ERMAP: variants seen among roughly 807,000 people sequenced by gnomAD.
The protein encoded by ERMAP is erythroid membrane-associated protein.
Under a neutral mutation model 49.5 loss-of-function variants are expected in ERMAP, and 34 were observed. That is an observed-to-expected ratio of 0.69 (90% confidence interval 0.52 to 0.91). ERMAP has a LOEUF of 0.91. Among genes scored for constraint, ERMAP ranks in the 40% least tolerant of loss-of-function variants. The pLI is 0.00. For synonymous variants in ERMAP, 214 were observed against 232.2 expected (o/e 0.92, Z 0.71); for missense variants, 541 against 582.6 (o/e 0.93, Z 0.74).
At chr1:42,838,147 G>A (rs1028226460) in intron 7 of ERMAP, among the ~76,000 whole-genome samples, 9 of 152,206 alleles carry the variant, frequency 5.9e-5, no homozygotes, top group African/African-American at 9.7e-5. Context: ...AGGATTCAGT[G>A]CCTACTTCAG....
chr1:42,831,032 G>A lies in ERMAP; in HGVS notation c.350G>A (p.Arg117His), dbSNP rs183863963. ...GSVTLQILDV[R>H]LEDQGSYRCL... ...GTCACTCTGCAGATCCTTGACGTGC[G>A]CCTTGAGGACCAAGGGTCTTACCGA... The change falls in exon 4 of 12, where the codon CGC becomes CAC. Residue 117 changes from arginine to histidine, a missense_variant. Coordinates refer to ENST00000372517, the MANE Select transcript of ERMAP (RefSeq NM_001017922.2). The A allele has an allele frequency of 4.1e-5, 66 of 1,614,224 alleles. No individual in the cohort carries two copies. Among genetic ancestry groups the A allele is most frequent in the East Asian group, 1.1e-4 (5 of 44,884 alleles).
chr1:42,838,812 TG>T (rs2124352701), intron 7 of ERMAP, 88 bp from the exon 8 acceptor site: 2 of 1,583,354 alleles, frequency 1.3e-6, no homozygotes, highest in East Asian at 4.5e-5. Context: ...ATTTTAATCT[TG>T]TGGGTTGGAG....
intron 1 of ERMAP, among the ~76,000 whole-genome samples, chr1:42,818,961 C>T (rs1038336466): frequency 1.3e-5 from 2 of 152,082 alleles, no homozygotes; most frequent in Admixed American, 6.5e-5. Context: ...TGGTTTATAA[C>T]GTTCATATAA....
intron 11 of ERMAP, among the ~76,000 whole-genome samples, 196 bp from the exon 12 acceptor site, chr1:42,842,321 G>A (rs1447940957): frequency 6.6e-6 from 1 of 152,132 alleles, no homozygotes; most frequent in East Asian, 1.9e-4. Context: ...CTATTACTTA[G>A]TAATCGACCA....
intron 1 of ERMAP, among the ~76,000 whole-genome samples, chr1:42,818,690 G>A (rs553439739): frequency 2.0e-5 from 3 of 152,142 alleles, no homozygotes; most frequent in South Asian, 4.2e-4. Context: ...AGGGTGATCT[G>A]GAAATCCTGG....
intron 6 of ERMAP, among the ~76,000 whole-genome samples, chr1:42,836,162 G>A (rs1654889043): frequency 6.6e-6 from 1 of 152,084 alleles, no homozygotes; most frequent in African/African-American, 2.4e-5. Context: ...AGTGTAGTCA[G>A]GGAAATGAGA....
At chr1:42,836,962 G>C (rs1033447131) in intron 6 of ERMAP, 196 bp from the exon 7 acceptor site, 15 of 544,944 alleles carry the variant, frequency 2.8e-5, no homozygotes, top group African/African-American at 2.7e-4. Context: ...AGAGACCAGA[G>C]GGATTAAGAC....
chr1:42,829,036 A>G (rs1654637247), intron 2 of ERMAP, among the ~76,000 whole-genome samples: 1 of 152,212 alleles, frequency 6.6e-6, no homozygotes, highest in African/African-American at 2.4e-5. Flanking sequence ...TTGATAAAAT[A>G]GAGAGCTTTT....
In ERMAP at chr1:42,819,206, T is replaced by TGTGCGC. The variant is rs60221239; in HGVS notation, c.-122+1954_-122+1955insTGCGCG. ...GTGTGTGTGTGTGTGTGTGTGTGTGTGCGCGCGCGCAAGAGAGGGACCGAG... is the reference window on the plus strand; with the variant it reads ...GTGTGTGTGTGTGTGTGTGTGTGTGTGTGCGCGCGCGCGCGCAAGAGAGGGACCGAG... On this transcript the variant is annotated intron_variant, in intron 1 of 11. Transcript: ENST00000372517. The surrounding 1 kb of genome is among the most constrained non-coding windows in gnomAD (Gnocchi z 5.1). Among the ~76,000 whole-genome samples, 123 of 81,796 alleles carry TGTGCGC rather than the reference T, an allele frequency of 1.5e-3. No homozygotes were observed. The highest frequency in any genetic ancestry group is 4.1e-3 in the African/African-American group (118 of 28,606). The allele number at this position is 81,796 out of a possible 152,430, so 53.7% of individuals were successfully genotyped here.
At chr1:42,840,580 T>G (rs1435918271) in intron 11 of ERMAP, among the ~76,000 whole-genome samples, 2 of 152,338 alleles carry the variant, frequency 1.3e-5, no homozygotes. Context: ...ATCAGTTATT[T>G]GTATTTCTTC....
chr1:42,835,948 C>G (rs1241796722), intron 6 of ERMAP, among the ~76,000 whole-genome samples, 184 bp downstream of exon 6: 1 of 152,068 alleles, frequency 6.6e-6, no homozygotes, highest in Non-Finnish European at 1.5e-5. Context: ...ATAGCTTTGC[C>G]TTCCTGTATG....
chr1:42,820,405 A>G (rs1217610461), intron 1 of ERMAP, among the ~76,000 whole-genome samples: 16 of 149,704 alleles, frequency 1.1e-4, no homozygotes, highest in Admixed American at 9.3e-4. Flanking sequence ...TTTTTTAACA[A>G]ATAGAGACAG....
At chr1:42,834,179 C>T (rs1156589639) in intron 4 of ERMAP, among the ~76,000 whole-genome samples, 1 of 152,212 alleles carries the variant, frequency 6.6e-6, no homozygotes, top group East Asian at 1.9e-4. Flanking sequence ...CTACCCATAG[C>T]CCGCTTCTGC....
intron 11 of ERMAP, among the ~76,000 whole-genome samples, 175 bp downstream of exon 11, chr1:42,840,471 A>G (rs1047526155): frequency 6.6e-6 from 1 of 152,156 alleles, no homozygotes; most frequent in Admixed American, 6.5e-5. Flanking sequence ...TTGAGGTCAT[A>G]TTTAGATTTA....
At chr1:42,818,150 T>C (rs1654297637) in intron 1 of ERMAP, among the ~76,000 whole-genome samples, 1 of 152,206 alleles carries the variant, frequency 6.6e-6, no homozygotes, top group African/African-American at 2.4e-5. Flanking sequence ...AAACAACTGA[T>C]AGATGCTAAG....
Position 42,831,019 on chromosome 1 carries a change from A to T in ERMAP, c.337A>T (p.Ile113Phe). ...CCAAGAGGGAAGTGTCACTCTGCAG[A>T]TCCTTGACGTGCGCCTTGAGGACCA... ...DAQEGSVTLQ[I>F]LDVRLEDQGS... is the part of the protein sequence containing the mutation. The change falls in exon 4 of 12, where the codon ATC (isoleucine) becomes TTC (phenylalanine). Residue 113 changes from isoleucine (I) to phenylalanine (F), a missense_variant. Transcript: ENST00000372517. 6.2e-7 allele frequency: 1 copy of T among 1,614,210 alleles called. No individual in the cohort carries two copies. Among genetic ancestry groups the T allele is most frequent in the African/African-American group, 1.3e-5 (1 of 75,052 alleles).
chr1:42,818,089 A>C (rs1038772216), intron 1 of ERMAP, among the ~76,000 whole-genome samples: 3 of 152,208 alleles, frequency 2.0e-5, no homozygotes, highest in Admixed American at 2.0e-4. Context: ...ATCCAAAGTA[A>C]AACCCTGTTT....
chr1:42,831,906 T>TA (rs934505975), intron 4 of ERMAP, among the ~76,000 whole-genome samples: 6 of 151,808 alleles, frequency 4.0e-5, no homozygotes, highest in Admixed American at 6.6e-5. Flanking sequence ...CTTCAATATT[T>TA]AAAAAAAACA....
At position 42,832,179 on chromosome 1, in the gene ERMAP, A is replaced by ATTTTT. The variant is rs75673269; in HGVS notation, c.433+1089_433+1093dup. Among the ~76,000 whole-genome samples, 83 of 96,754 alleles carry ATTTTT rather than the reference A, an allele frequency of 8.6e-4. 3 individuals carry two copies. Among genetic ancestry groups the ATTTTT allele is most frequent in the East Asian group, 2.6e-3 (6 of 2,266 alleles). 63.5% of individuals were successfully genotyped at this position (96,754 alleles called of 152,430 possible). On this transcript the variant is annotated intron_variant, in intron 4 of 11. Transcript: ENST00000372517. ...TTGGAGTCCTTTGGGGTGAAAATTA[A>ATTTTT]TTTTTTTTTTTTTTTTTTTTTTTTT...
Sources: gnomAD v4.1 joint callset for allele counts (sites outside exome capture counted in the v4.1 genomes callset) on GRCh38, gnomAD v4.1.1 for gene constraint, Gnocchi (gnomAD v3.1) non-coding constraint, MANE v1.5 for transcripts, NCBI Gene and HGNC (gene_info 2026-07-23, HGNC 2026-07-21) for gene names.